The following SLC14A2 variants were observed in gnomAD, a reference collection of about 807,000 sequenced individuals.
The protein encoded by SLC14A2 is urea transporter 2.
A neutral mutation model predicts 104.6 loss-of-function variants in SLC14A2; 91 were observed. The ratio of observed to expected loss-of-function variants is 0.87; its 90% CI spans 0.73 to 1.04. The LOEUF is 1.04. Among genes scored for constraint, SLC14A2 ranks in the 50% least tolerant of loss-of-function variants. The probability of loss-of-function intolerance (pLI) is 0.00; values close to 1 mark genes in which losing one functional copy is unlikely to be tolerated. For synonymous variants in SLC14A2, 476 were observed against 466.4 expected, an observed-to-expected ratio of 1.02 and a Z score of -0.27; for missense variants, 1,189 against 1,156.0, an observed-to-expected ratio of 1.03 and a Z score of -0.41.
At chr18:45,531,647 G>C (rs1433011002) in intron 2 of SLC14A2, among the ~76,000 whole-genome samples, 1 of 152,132 alleles carries the variant, frequency 6.6e-6, no homozygotes, top group Non-Finnish European at 1.5e-5. Flanking sequence ...CCATTCTGTA[G>C]GTTGCCTGTT....
chr18:45,467,438 G>T (rs1274849933), intron 1 of SLC14A2, among the ~76,000 whole-genome samples: 1 of 152,158 alleles, frequency 6.6e-6, no homozygotes, highest in Non-Finnish European at 1.5e-5. Context: ...AGCCAGAGAG[G>T]AAAGCTGGCT....
chr18:45,537,967 A>G (rs1439933781), intron 2 of SLC14A2, among the ~76,000 whole-genome samples: 1 of 152,240 alleles, frequency 6.6e-6, no homozygotes, highest in Non-Finnish European at 1.5e-5. Context: ...TGTAGGAGTC[A>G]TTTATCACTG....
rs141109336 is a variant in SLC14A2, at chr18:45,414,265, G to A, written c.-124-68968G>A. 3.0e-3 allele frequency among the ~76,000 whole-genome samples: 459 copies of A among 152,288 alleles called. 1 individual carries two copies. Among genetic ancestry groups the A allele is most frequent in the African/African-American group, 0.011 (441 of 41,574 alleles). On this transcript the variant is annotated intron_variant, in intron 1 of 20. Coordinates refer to the SLC14A2 transcript ENST00000586448. Reference sequence around the variant, plus strand: ...TGGCACTCAACATGCACAATTGCTGGACTGAGCTGAGGTACAGTGCATGAA... The same window carrying A: ...TGGCACTCAACATGCACAATTGCTGAACTGAGCTGAGGTACAGTGCATGAA...
chr18:45,386,126 T>TA (rs2085893689), intron 1 of SLC14A2, among the ~76,000 whole-genome samples: 1 of 151,932 alleles, frequency 6.6e-6, no homozygotes, highest in Non-Finnish European at 1.5e-5. Context: ...ATAAGCCAAG[T>TA]TATGGAGGTG....
At chr18:45,274,122 C>G (rs796420599) in intron 1 of SLC14A2, among the ~76,000 whole-genome samples, 1 of 152,164 alleles carries the variant, frequency 6.6e-6, no homozygotes, top group East Asian at 1.9e-4. Context: ...CTAACTTGAC[C>G]AACAATGACA....
chr18:45,494,067 A>G (rs2043047821), intron 2 of SLC14A2, among the ~76,000 whole-genome samples: 1 of 152,224 alleles, frequency 6.6e-6, no homozygotes, highest in Non-Finnish European at 1.5e-5. Flanking sequence ...CTGGCAGGGT[A>G]GAAAGTGGTT....
intron 2 of SLC14A2, among the ~76,000 whole-genome samples, chr18:45,491,100 C>G (rs1023326313): frequency 1.3e-5 from 2 of 152,136 alleles, no homozygotes; most frequent in African/African-American, 4.8e-5. Context: ...AGTTTTATGT[C>G]TAAATATAAT....
intron 1 of SLC14A2, among the ~76,000 whole-genome samples, chr18:45,240,782 C>T (rs984659781): frequency 1.3e-5 from 2 of 151,722 alleles, no homozygotes; most frequent in Admixed American, 1.3e-4. Context: ...CTCAGCCTGC[C>T]GAGTAGCTGA....
At chr18:45,362,042 T>A (rs911224405) in intron 1 of SLC14A2, among the ~76,000 whole-genome samples, 1 of 152,114 alleles carries the variant, frequency 6.6e-6, no homozygotes, top group African/African-American at 2.4e-5. Flanking sequence ...TGGGAGGTGA[T>A]TGGATTATGG....
chr18:45,595,813 A>G (rs1030892017), intron 2 of SLC14A2, among the ~76,000 whole-genome samples: 1 of 151,580 alleles, frequency 6.6e-6, no homozygotes, highest in Non-Finnish European at 1.5e-5. Flanking sequence ...ACTTCCACAC[A>G]CTCCAAAGCC....
intron 10 of SLC14A2, among the ~76,000 whole-genome samples, chr18:45,661,175 A>G (rs2045930599): frequency 6.6e-6 from 1 of 152,158 alleles, no homozygotes; most frequent in African/African-American, 2.4e-5. Flanking sequence ...TGCCAGGGCA[A>G]TCACCTACCC....
At chr18:45,511,724 C>T (rs1166900181) in intron 2 of SLC14A2, among the ~76,000 whole-genome samples, 2 of 152,164 alleles carry the variant, frequency 1.3e-5, no homozygotes, top group African/African-American at 2.4e-5. Flanking sequence ...AGGAAACTAA[C>T]CCAAGTGTCC....
intron 1 of SLC14A2, among the ~76,000 whole-genome samples, chr18:45,334,223 T>C (rs2085316170): frequency 6.6e-6 from 1 of 152,212 alleles, no homozygotes; most frequent in African/African-American, 2.4e-5. Context: ...AGTGGAAGTC[T>C]GCATATTAGG....
chr18:45,463,182 A>G (rs2087076905), intron 1 of SLC14A2, among the ~76,000 whole-genome samples: 1 of 152,176 alleles, frequency 6.6e-6, no homozygotes, highest in Non-Finnish European at 1.5e-5. Flanking sequence ...AGTTCACTGT[A>G]GAAAGCCTGT....
chr18:45,626,484 G>T (rs1338286778), intron 3 of SLC14A2, among the ~76,000 whole-genome samples: 2 of 152,068 alleles, frequency 1.3e-5, no homozygotes, highest in Non-Finnish European at 2.9e-5. Flanking sequence ...TTCACAGCTG[G>T]GCTACAACAA....
At chr18:45,495,088 A>G (rs1269627002) in intron 2 of SLC14A2, among the ~76,000 whole-genome samples, 1 of 152,082 alleles carries the variant, frequency 6.6e-6, no homozygotes, top group East Asian at 1.9e-4. Flanking sequence ...TAAATTGTGG[A>G]TCTCTGCATA....
chr18:45,392,175 GAA>G (rs911747307), intron 1 of SLC14A2, among the ~76,000 whole-genome samples: 153 of 152,192 alleles, frequency 1.0e-3, no homozygotes, highest in Non-Finnish European at 1.4e-3. Flanking sequence ...TGGGCAAAGT[GAA>G]AGACACTCAA....
At chr18:45,381,661 G>T (rs889058510) in intron 1 of SLC14A2, among the ~76,000 whole-genome samples, 3 of 152,130 alleles carry the variant, frequency 2.0e-5, no homozygotes, top group African/African-American at 7.2e-5. Context: ...AACAAAATTT[G>T]TATCTTAATT....
At chr18:45,639,270 G>A (rs956457367) in intron 6 of SLC14A2, among the ~76,000 whole-genome samples, 4 of 152,196 alleles carry the variant, frequency 2.6e-5, no homozygotes, top group African/African-American at 9.7e-5. Flanking sequence ...CTGAGCTAGG[G>A]GTCAAGCTCA....
Sources: gnomAD v4.1 joint callset for allele counts (sites outside exome capture counted in the v4.1 genomes callset) on GRCh38, gnomAD v4.1.1 for gene constraint, MANE v1.5 for transcripts, NCBI Gene and HGNC (gene_info 2026-07-23, HGNC 2026-07-21) for gene names.